The following MEGF6 variants were observed in gnomAD, a reference collection of about 807,000 sequenced individuals.
MEGF6 encodes the protein multiple epidermal growth factor-like domains protein 6.
In MEGF6, 184 loss-of-function variants were observed where a neutral mutation model predicts 207.1. The observed-to-expected ratio is 0.89, with a 90% CI of 0.79 to 1.00. The LOEUF is 1.00. Ranked by LOEUF, MEGF6 falls within the 50% of genes least tolerant of loss-of-function variation. MEGF6 has a pLI of 0.00. For missense variants in MEGF6, 2,282 were observed against 2,202.9 expected, an observed-to-expected ratio of 1.04 and a Z score of -0.72; for synonymous variants, 1,038 against 910.0, an observed-to-expected ratio of 1.14 and a Z score of -2.53.
chr1:3,569,259 C>T (rs1643432315), intron 4 of MEGF6, among the ~76,000 whole-genome samples: 2 of 152,248 alleles, frequency 1.3e-5, no homozygotes, highest in African/African-American at 4.8e-5. Context: ...CCAGGCCACA[C>T]CAATGCCCAG....
chr1:3,620,783 G>A, the MEGF6 span, among the ~76,000 whole-genome samples: 3 of 152,204 alleles, frequency 2.0e-5, no homozygotes, highest in Non-Finnish European at 4.4e-5. Flanking sequence ...TTACCAAGGC[G>A]CGGAGACCGG....
At chr1:3,511,525 G>A in intron 9 of MEGF6, 25 bp downstream of exon 9, 1 of 1,587,254 alleles carries the variant, frequency 6.3e-7, no homozygotes, top group Non-Finnish European at 8.6e-7. Flanking sequence ...TGGGGTGCAG[G>A]CATCTGGGAG....
chr1:3,533,682 C>T (rs1570078076), intron 4 of MEGF6, among the ~76,000 whole-genome samples: 1 of 152,142 alleles, frequency 6.6e-6, no homozygotes, highest in Admixed American at 6.5e-5. Context: ...ACCCTGCGAG[C>T]GAGCTCTCTC....
chr1:3,558,797 G>A (rs1324168105), intron 4 of MEGF6, among the ~76,000 whole-genome samples: 1 of 152,214 alleles, frequency 6.6e-6, no homozygotes, highest in Admixed American at 6.5e-5. Context: ...GCTGGTTCTT[G>A]TTTGCAGCGC....
At chr1:3,516,650 C>CA (rs1641551618) in intron 5 of MEGF6, among the ~76,000 whole-genome samples, 1 of 152,226 alleles carries the variant, frequency 6.6e-6, no homozygotes, top group African/African-American at 2.4e-5. Flanking sequence ...AGCCCGGCAC[C>CA]ATGGAGGGGA....
intron 17 of MEGF6, among the ~76,000 whole-genome samples, chr1:3,503,489 G>A (rs1031721981): frequency 2.6e-5 from 4 of 152,140 alleles, no homozygotes; most frequent in Admixed American, 1.3e-4. Context: ...GCAGAGGAGG[G>A]GCAGGGGAGG....
At chr1:3,571,798 G>T (rs1218836757) in intron 4 of MEGF6, among the ~76,000 whole-genome samples, 2 of 147,790 alleles carry the variant, frequency 1.4e-5, no homozygotes, top group East Asian at 2.0e-4. Flanking sequence ...AGGTGTGCTG[G>T]GTCCTCCTGG....
chr1:3,500,854 G>A, intron 20 of MEGF6, 90 bp from the exon 21 acceptor site: 1 of 1,594,218 alleles, frequency 6.3e-7, no homozygotes, highest in Non-Finnish European at 8.5e-7. Context: ...TCTCAGGACT[G>A]GGGCAAGGCC....
intron 35 of MEGF6, among the ~76,000 whole-genome samples, chr1:3,491,995 A>T (rs2100816350): frequency 6.6e-6 from 1 of 151,988 alleles, no homozygotes; most frequent in East Asian, 2.0e-4. Context: ...GCGCAGACGC[A>T]CTGGCTACAT....
At chr1:3,602,372 C>G (rs760254398) in intron 2 of MEGF6, 94 bp downstream of exon 2, 1 of 1,556,992 alleles carries the variant, frequency 6.4e-7, no homozygotes, top group South Asian at 1.2e-5. Context: ...GAGACCAGGA[C>G]GGGGTCCTGG....
chr1:3,614,512 T>A (rs762024759), upstream of MEGF6, among the ~76,000 whole-genome samples: 2 of 152,262 alleles, frequency 1.3e-5, no homozygotes, highest in Non-Finnish European at 2.9e-5. Context: ...AGAATGATCT[T>A]TGTCCATTTT....
chr1:3,606,626 CTGT>C (rs1644252712), intron 1 of MEGF6, among the ~76,000 whole-genome samples: 1 of 152,220 alleles, frequency 6.6e-6, no homozygotes, highest in East Asian at 1.9e-4. Context: ...GATACTGGGA[CTGT>C]TTATTCCGGA....
At chr1:3,505,757 C>T (rs1363352331) in intron 15 of MEGF6, among the ~76,000 whole-genome samples, 2 of 152,230 alleles carry the variant, frequency 1.3e-5, no homozygotes, top group Non-Finnish European at 2.9e-5. Context: ...GGACTCAGAG[C>T]TTGGCCTTGC....
intron 3 of MEGF6, 80 bp from the exon 4 acceptor site, chr1:3,580,009 G>T: frequency 9.6e-7 from 1 of 1,040,180 alleles, no homozygotes; most frequent in African/African-American, 1.7e-5. Context: ...GGTCTCTCGG[G>T]CAGGCAGCCC....
chr1:3,591,277 A>T (rs979927570), intron 3 of MEGF6, among the ~76,000 whole-genome samples: 1 of 152,196 alleles, frequency 6.6e-6, no homozygotes, highest in Non-Finnish European at 1.5e-5. Context: ...AGGCAGGAAG[A>T]GATATCCCAG....
chr1:3,493,626 C>A (rs1301656417), intron 34 of MEGF6, 145 bp downstream of exon 34: 4 of 1,187,894 alleles, frequency 3.4e-6, no homozygotes, highest in South Asian at 1.6e-5. Flanking sequence ...CTCCAGCCCC[C>A]CCAGGGGGCA....
At chr1:3,500,194 A>G (rs2794332) in intron 21 of MEGF6, among the ~76,000 whole-genome samples, 121,339 of 152,220 alleles carry the variant, frequency 0.8, 48,764 homozygotes, top group South Asian at 0.85. Context: ...GCCTCCCCCG[A>G]TTCCACCAAC....
rs745754132 is a variant in MEGF6, at chr1:3,495,990, G to A, written c.3771C>T (p.Asn1257=). ...GCCCACACCCACACACGTGGGTGCA[G>A]TTGGGGCCGAAGCGGCCCTGCGGAC... is the stretch of plus-strand genomic sequence containing the variant. The part of the protein sequence containing the change: ...LTCPQGRFGP[N]CTHVCGCGQG... The change falls in exon 30 of 37, where the codon AAC becomes AAT. Residue 1257 remains asparagine (N), a synonymous_variant. Coordinates refer to ENST00000356575, the MANE Select transcript of MEGF6 (RefSeq NM_001409.4). 4.5e-6 allele frequency: 7 copies of A among 1,554,006 alleles called. No individual in the cohort carries two copies. In the South Asian group the frequency reaches 8.3e-5, roughly 18 times the overall value.
chr1:3,574,100 C>T (rs531708987), intron 4 of MEGF6, among the ~76,000 whole-genome samples: 2 of 151,894 alleles, frequency 1.3e-5, no homozygotes, highest in Non-Finnish European at 2.9e-5. Context: ...GCAGGGAAAC[C>T]GAGGTTTCCT....
Sources: gnomAD v4.1 joint callset for allele counts (sites outside exome capture counted in the v4.1 genomes callset) on GRCh38, gnomAD v4.1.1 for gene constraint, MANE v1.5 for transcripts, NCBI Gene and HGNC (gene_info 2026-07-23, HGNC 2026-07-21) for gene names.